The following ZNF292 variants were observed in gnomAD, a reference collection of about 807,000 sequenced individuals.
ZNF292 encodes the protein zinc finger protein 292.
Under a neutral mutation model 217.9 loss-of-function variants are expected in ZNF292, and 26 were observed. That is an observed-to-expected ratio of 0.12 (90% confidence interval 0.09 to 0.17). ZNF292 has a LOEUF of 0.17. ZNF292 is among the 10% of genes least tolerant of loss of function. ZNF292 has a pLI of 1.00. For missense variants in ZNF292, 2,904 were observed against 3,175.2 expected, an observed-to-expected ratio of 0.91 and a Z score of 2.05; for synonymous variants, 1,257 against 1,124.1, an observed-to-expected ratio of 1.12 and a Z score of -2.37.
intron 1 of ZNF292, among the ~76,000 whole-genome samples, chr6:87,181,845 C>G (rs1205738835): frequency 6.6e-6 from 1 of 152,052 alleles, no homozygotes; most frequent in Admixed American, 6.6e-5. Context: ...CCACACCCAG[C>G]TAATTTTTTT....
intron 4 of ZNF292, among the ~76,000 whole-genome samples, chr6:87,226,525 TTTAA>T (rs1288725934): frequency 2.6e-5 from 4 of 150,960 alleles, no homozygotes; most frequent in Middle Eastern, 3.2e-3. Flanking sequence ...AATATAAGTA[TTTAA>T]TTATATGACC....
At position 87,169,728 on chromosome 6, in the gene ZNF292, C is replaced by T. The variant is rs538992633; in HGVS notation, c.168+13969C>T. 8.3e-4 allele frequency: 368 copies of T among 441,852 alleles called. 5 individuals carry two copies. The highest frequency in any genetic ancestry group is 5.7e-3 in the South Asian group (357 of 62,822). 27.4% of individuals were successfully genotyped at this position (441,852 alleles called of 1,614,324 possible). A position where few individuals can be genotyped will look rare whatever the true frequency, so the allele number is the denominator to read the frequency against. On this transcript the variant is annotated intron_variant, in intron 1 of 7. Coordinates refer to ENST00000369577, the MANE Select transcript of ZNF292 (RefSeq NM_015021.3). ...GTGACGCCATCAGAGCTCACTTCAG[C>T]GTCCACCTCCCGGGCTCAAGTGATC... is the stretch of plus-strand genomic sequence containing the variant.
chr6:87,171,434 A>G (rs1582376460), intron 1 of ZNF292, among the ~76,000 whole-genome samples: 1 of 151,566 alleles, frequency 6.6e-6, no homozygotes, highest in East Asian at 1.9e-4. Context: ...GTTCTTACAT[A>G]TAGACTAGAG....
Position 87,259,389 on chromosome 6 carries a change from T to G in ZNF292, c.5760T>G (p.Phe1920Leu). ...GTGCTATGACAAAGGATGCACTATT[T>G]AAGCACTATGGTAAAATTCATCAAT... Reference protein sequence around the residue: ...NYSAMTKDALFKHYGKIHQYT... With the variant: ...NYSAMTKDALLKHYGKIHQYT... The change falls in exon 8 of 8, where the codon TTT (phenylalanine) becomes TTG (leucine). Residue 1920 changes from phenylalanine (F) to leucine (L), a missense_variant. By Grantham distance (22) the Phe-to-Leu change is conservative. This residue lies in a region of ZNF292 where 50 missense variants were observed against 90.5 expected (regional missense o/e 0.55). Transcript: ENST00000369577. The G allele has an allele frequency of 1.2e-6, 2 of 1,610,802 alleles. No homozygotes were observed.
chr6:87,157,432 A>AT (rs1485748712), intron 1 of ZNF292, among the ~76,000 whole-genome samples: 1 of 152,224 alleles, frequency 6.6e-6, no homozygotes, highest in Non-Finnish European at 1.5e-5. Context: ...AATAGGAAGT[A>AT]TTTCATTTGT....
intron 1 of ZNF292, among the ~76,000 whole-genome samples, chr6:87,158,448 C>G (rs528282760): frequency 6.6e-6 from 1 of 152,026 alleles, no homozygotes; most frequent in Non-Finnish European, 1.5e-5. Flanking sequence ...CCGAGTTGGG[C>G]GGATCGCTTG....
At chr6:87,197,020 G>A (rs1224394299) in intron 1 of ZNF292, among the ~76,000 whole-genome samples, 2 of 152,186 alleles carry the variant, frequency 1.3e-5, no homozygotes, top group Non-Finnish European at 2.9e-5. Context: ...GACCATCAGT[G>A]TGATAGAGCA....
At chr6:87,205,278 T>C (rs1413781811) in intron 1 of ZNF292, among the ~76,000 whole-genome samples, 3 of 152,110 alleles carry the variant, frequency 2.0e-5, no homozygotes, top group Non-Finnish European at 4.4e-5. Context: ...CTTGCTATGT[T>C]GCTCTGGCTG....
chr6:87,228,786 A>G (rs947896796), intron 4 of ZNF292, among the ~76,000 whole-genome samples: 3 of 152,170 alleles, frequency 2.0e-5, no homozygotes, highest in Non-Finnish European at 4.4e-5. Context: ...ATTGGTCCAC[A>G]TGTCTGTCTT....
chr6:87,236,573 ATTTG>A (rs1773916046), intron 5 of ZNF292, among the ~76,000 whole-genome samples: 1 of 151,986 alleles, frequency 6.6e-6, no homozygotes, highest in Non-Finnish European at 1.5e-5. Context: ...CAATATTTCT[ATTTG>A]TTTTATCATT....
At chr6:87,232,537 G>C (rs1179265227) in intron 4 of ZNF292, among the ~76,000 whole-genome samples, 1 of 151,932 alleles carries the variant, frequency 6.6e-6, no homozygotes, top group East Asian at 1.9e-4. Flanking sequence ...ACTTAAACTT[G>C]TTAAAACTTA....
At chr6:87,224,292 C>A (rs1158326066) in intron 4 of ZNF292, among the ~76,000 whole-genome samples, 3 of 152,022 alleles carry the variant, frequency 2.0e-5, no homozygotes, top group African/African-American at 4.8e-5. Context: ...ATTCTGTATT[C>A]CATCTTGGGC....
intron 1 of ZNF292, among the ~76,000 whole-genome samples, chr6:87,176,594 A>G (rs1771303347): frequency 6.6e-6 from 1 of 152,128 alleles, no homozygotes; most frequent in Non-Finnish European, 1.5e-5. Flanking sequence ...TTGGGGTAGC[A>G]TTTACTGAAC....
At chr6:87,200,170 T>C (rs1282866704) in intron 1 of ZNF292, among the ~76,000 whole-genome samples, 1 of 152,202 alleles carries the variant, frequency 6.6e-6, no homozygotes. Context: ...CCACATGATA[T>C]TTAGCTATAT....
At chr6:87,170,165 A>G (rs1771054577) in intron 1 of ZNF292, 1 of 152,212 alleles carries the variant, frequency 6.6e-6, no homozygotes, top group Non-Finnish European at 1.5e-5. Context: ...CAAGATTATT[A>G]TATTATTTTA....
Position 87,257,315 on chromosome 6 carries a change from C to A in ZNF292, c.3686C>A (p.Ser1229Tyr). 2 of 1,613,594 alleles carry A rather than the reference C, an allele frequency of 1.2e-6. No individual in the cohort carries two copies. The highest frequency in any genetic ancestry group is 1.7e-6 in the Non-Finnish European group (2 of 1,179,752). ...AATGAACAAGGTGGTATGTTATGTTCCCAAATGGAAAATTTACCTAGTACT... is the reference window on the plus strand; with the variant it reads ...AATGAACAAGGTGGTATGTTATGTTACCAAATGGAAAATTTACCTAGTACT... ...DKNEQGGMLC[S>Y]QMENLPSTAL... The change falls in exon 8 of 8, where the codon TCC becomes TAC. Residue 1229 changes from serine (S) to tyrosine (Y), a missense_variant. By Grantham distance (144) the Ser-to-Tyr change is moderately radical. This residue lies in a region of ZNF292 where 687 missense variants were observed against 623.0 expected (regional missense o/e 1.10). Transcript: ENST00000369577.
chr6:87,258,991 C>G lies in ZNF292; in HGVS notation c.5362C>G (p.Gln1788Glu), dbSNP rs1230532490. The change falls in exon 8 of 8, where the codon CAA becomes GAA. Residue 1788 changes from glutamine to glutamate, a missense_variant. Coordinates refer to ENST00000369577, the MANE Select transcript of ZNF292 (RefSeq NM_015021.3). ...TGCTGGTGAAACTTCACAAAATGCTCAAATAAATTATAACATTCAGCTTCC... is the reference window on the plus strand; with the variant it reads ...TGCTGGTGAAACTTCACAAAATGCTGAAATAAATTATAACATTCAGCTTCC... ...QGAGETSQNA[Q>E]INYNIQLPSV... 6.2e-7 allele frequency: 1 copy of G among 1,613,462 alleles called. No individual in the cohort carries two copies. Among genetic ancestry groups the G allele is most frequent in the Middle Eastern group, 1.6e-4 (1 of 6,062 alleles).
rs1291540614 is a variant in ZNF292 at position 87,239,549 on chromosome 6, G to A, written c.742-3926G>A. On this transcript the variant is annotated intron_variant, in intron 5 of 7. Transcript: ENST00000369577. Reference sequence around the variant, plus strand: ...GGGCGGGGGCTGCCCCCCACCTCCCGGACAGGGCGGCTGCCGGGCGGAGAC... The same window carrying A: ...GGGCGGGGGCTGCCCCCCACCTCCCAGACAGGGCGGCTGCCGGGCGGAGAC... 2.7e-3 allele frequency among the ~76,000 whole-genome samples: 83 copies of A among 31,310 alleles called. No individual in the cohort carries two copies. The East Asian group carries it at 0.052, about 19-fold the overall frequency. 20.5% of individuals were successfully genotyped at this position (31,310 alleles called of 152,430 possible).
chr6:87,235,950 C>G (rs1389835342), intron 5 of ZNF292, among the ~76,000 whole-genome samples: 1 of 152,196 alleles, frequency 6.6e-6, no homozygotes, highest in African/African-American at 2.4e-5. Context: ...TCCCTTGTTA[C>G]AAAGTAACAA....
Sources: allele counts gnomAD v4.1 joint callset (sites outside exome capture counted in the v4.1 genomes callset), GRCh38; gene constraint gnomAD v4.1.1; regional missense constraint gnomAD v4.1.1; transcripts MANE v1.5; gene names NCBI Gene and HGNC (gene_info 2026-07-23, HGNC 2026-07-21).